TENM2: variants seen among roughly 807,000 people sequenced by gnomAD.
TENM2 encodes the protein teneurin-2.
In TENM2, 52 loss-of-function variants were observed where a neutral mutation model predicts 245.2. The observed-to-expected ratio is 0.21, with a 90% confidence interval of 0.17 to 0.27. The LOEUF (loss-of-function observed/expected upper bound fraction) is 0.27, where lower values mean the gene tolerates loss of function less well. Among genes scored for constraint, TENM2 ranks in the 10% least tolerant of loss-of-function variants. TENM2 has a pLI of 1.00. For synonymous variants in TENM2, 1,363 were observed against 1,438.9 expected (o/e 0.95, Z 1.19); for missense variants, 3,046 against 3,666.8 (o/e 0.83, Z 4.37).
At chr5:168,161,617 G>A (rs574896629) in intron 12 of TENM2, among the ~76,000 whole-genome samples, 2 of 152,218 alleles carry the variant, frequency 1.3e-5, no homozygotes, top group Non-Finnish European at 2.9e-5. Context: ...TCTCCTACCT[G>A]TTATAAAGAG....
At chr5:168,022,118 C>G (rs1786204592) in intron 5 of TENM2, among the ~76,000 whole-genome samples, 2 of 152,110 alleles carry the variant, frequency 1.3e-5, no homozygotes, top group South Asian at 4.2e-4. Context: ...TAAAGATGAC[C>G]TTTGTTTATT....
chr5:168,168,406 A>C (rs529944366), intron 13 of TENM2, among the ~76,000 whole-genome samples: 2 of 152,330 alleles, frequency 1.3e-5, no homozygotes, highest in South Asian at 4.1e-4. Flanking sequence ...AAGTCTGGGC[A>C]TGGTGGCTCA....
At chr5:168,257,379 G>A (rs1015172175) in intron 27 of TENM2, among the ~76,000 whole-genome samples, 8 of 152,088 alleles carry the variant, frequency 5.3e-5, no homozygotes, top group Non-Finnish European at 8.8e-5. Flanking sequence ...TACGTTTAGG[G>A]AAAAGCCCGC....
intron 7 of TENM2, among the ~76,000 whole-genome samples, chr5:168,074,608 A>AG (rs11429365): frequency 1 from 152,257 of 152,300 alleles, 76,107 homozygotes; most frequent in Middle Eastern, 1. Context: ...ACAGAAGATC[A>AG]TCTCTGTGGC....
intron 1 of TENM2, among the ~76,000 whole-genome samples, chr5:167,293,434 G>A (rs941999474): frequency 7.1e-6 from 1 of 141,260 alleles, no homozygotes; most frequent in Admixed American, 7.7e-5. Flanking sequence ...TGGTCAGGCT[G>A]TTCTCAAACT....
At chr5:167,045,090 C>G in the TENM2 span, among the ~76,000 whole-genome samples, 5 of 152,024 alleles carry the variant, frequency 3.3e-5, no homozygotes, top group Non-Finnish European at 7.4e-5. Context: ...TGAAAGTGAT[C>G]AACAGCACAG....
At chr5:167,191,667 G>A in the TENM2 span, among the ~76,000 whole-genome samples, 2 of 152,142 alleles carry the variant, frequency 1.3e-5, no homozygotes, top group African/African-American at 4.8e-5. Flanking sequence ...AGAGGGCCAA[G>A]AGCAATGTAG....
At chr5:167,012,576 A>G in the TENM2 span, among the ~76,000 whole-genome samples, 2 of 152,330 alleles carry the variant, frequency 1.3e-5, no homozygotes, top group South Asian at 2.1e-4. Flanking sequence ...ATGAGATACA[A>G]CCACACATGG....
At chr5:167,399,553 G>A (rs998287554) in intron 2 of TENM2, among the ~76,000 whole-genome samples, 1 of 152,180 alleles carries the variant, frequency 6.6e-6, no homozygotes, top group South Asian at 2.1e-4. Flanking sequence ...CCTAAATGGT[G>A]ACAGGAGGTG....
the TENM2 span, among the ~76,000 whole-genome samples, chr5:167,006,746 A>G: frequency 2.0e-5 from 3 of 151,666 alleles, no homozygotes; most frequent in Non-Finnish European, 4.4e-5. Context: ...GGCTCACTGC[A>G]ACCTCTGCCT....
intron 27 of TENM2, among the ~76,000 whole-genome samples, chr5:168,256,550 T>C (rs1767682308): frequency 1.3e-5 from 2 of 151,940 alleles, no homozygotes; most frequent in Non-Finnish European, 2.9e-5. Context: ...CCCAGCCTCC[T>C]GAGTAGCTGG....
intron 2 of TENM2, among the ~76,000 whole-genome samples, chr5:167,607,502 C>G (rs1777140523): frequency 6.6e-6 from 1 of 152,144 alleles, no homozygotes; most frequent in African/African-American, 2.4e-5. Context: ...CCTGTGTGCC[C>G]CATTTGGCCT....
chr5:168,117,137 T>C (rs1795140703), intron 9 of TENM2, among the ~76,000 whole-genome samples: 1 of 152,194 alleles, frequency 6.6e-6, no homozygotes, highest in South Asian at 2.1e-4. Flanking sequence ...GAGGCCAAAC[T>C]GATTAAAGCT....
intron 4 of TENM2, among the ~76,000 whole-genome samples, chr5:167,955,894 G>A (rs1057063546): frequency 2.6e-5 from 4 of 152,162 alleles, no homozygotes; most frequent in African/African-American, 4.8e-5. Flanking sequence ...TTTGAAGTCA[G>A]GTAGCGTGAT....
chr5:167,189,539 TTCTC>T, the TENM2 span, among the ~76,000 whole-genome samples: 4 of 151,752 alleles, frequency 2.6e-5, no homozygotes, highest in Non-Finnish European at 2.9e-5. Flanking sequence ...CTTTCTTTCG[TTCTC>T]TCTTTCTTTC....
At chr5:167,681,371 G>A (rs1012145028) in intron 2 of TENM2, among the ~76,000 whole-genome samples, 4 of 152,060 alleles carry the variant, frequency 2.6e-5, no homozygotes, top group African/African-American at 7.2e-5. Flanking sequence ...TTGAACAGCT[G>A]CAGCTAATTT....
At chr5:167,607,358 C>G (rs538411142) in intron 2 of TENM2, among the ~76,000 whole-genome samples, 23 of 152,258 alleles carry the variant, frequency 1.5e-4, no homozygotes, top group African/African-American at 5.5e-4. Flanking sequence ...AATCCAAAAT[C>G]CAGGCTTTTA....
intron 2 of TENM2, among the ~76,000 whole-genome samples, chr5:167,789,473 A>C (rs1764802426): frequency 6.6e-6 from 1 of 152,190 alleles, no homozygotes; most frequent in South Asian, 2.1e-4. Flanking sequence ...AGTGGATTCC[A>C]ACATTTCTTC....
At chr5:168,047,377 G>A (rs766501003) in intron 5 of TENM2, 50 bp from the exon 8 acceptor site, 2 of 1,550,276 alleles carry the variant, frequency 1.3e-6, no homozygotes, top group African/African-American at 2.7e-5. Context: ...CTTGACATTT[G>A]CATTGCTGAA....
Sources: allele counts gnomAD v4.1 joint callset (sites outside exome capture counted in the v4.1 genomes callset), GRCh38; gene constraint gnomAD v4.1.1; transcripts MANE v1.5; gene names NCBI Gene and HGNC (gene_info 2026-07-23, HGNC 2026-07-21).